Variants in PHYH observed in about 807,000 individuals in gnomAD.
PHYH encodes phytanoyl-CoA dioxygenase, peroxisomal.
A neutral mutation model predicts 38.5 loss-of-function variants in PHYH; 32 were observed. The ratio of observed to expected loss-of-function variants is 0.83; its 90% CI spans 0.63 to 1.12. PHYH has a LOEUF of 1.12. Ranked by LOEUF, PHYH falls within the 50% of genes most tolerant of loss-of-function variation. PHYH has a pLI of 0.00. For synonymous variants in PHYH, 166 were observed against 157.9 expected, an observed-to-expected ratio of 1.05 and a Z score of -0.38; for missense variants, 426 against 434.8, an observed-to-expected ratio of 0.98 and a Z score of 0.18.
In PHYH at chr10:13,281,124, A is replaced by C; in HGVS notation, c.829-14T>G. On this transcript the variant is annotated splice_polypyrimidine_tract_variant and intron_variant, in intron 7 of 8. Coordinates refer to ENST00000263038, the MANE Select transcript of PHYH (RefSeq NM_006214.4). ...GCAGGAAATTGCCTGTGCAAAGTGAACAAATTGATATTGGAGAAAAACATC... is the reference window on the plus strand; with the variant it reads ...GCAGGAAATTGCCTGTGCAAAGTGACCAAATTGATATTGGAGAAAAACATC... 6.2e-7 allele frequency: 1 copy of C among 1,614,086 alleles called. No homozygotes were observed. Among genetic ancestry groups the C allele is most frequent in the Non-Finnish European group, 8.5e-7 (1 of 1,179,930 alleles).
Position 13,288,402 on chromosome 10 carries a change from T to C in PHYH, c.636A>G (p.Thr212=), listed in dbSNP as rs473407. Residue 212 remains threonine (T), a synonymous_variant, in exon 6 of 9, where the codon ACA becomes ACG. Coordinates refer to ENST00000263038, the MANE Select transcript of PHYH (RefSeq NM_006214.4). ...CGTGGGGCTTCAGGGAGCCCTTGTG[T>C]GTGCCTGGGAGCACAACCAGACAGC... ...NNGCLVVLPG[T]HKGSLKPHDY... The C allele has an allele frequency of 0.25, 407,263 of 1,613,770 alleles. 53,733 individuals are homozygous for C. Among genetic ancestry groups the C allele is most frequent in the African/African-American group, 0.4 (29,728 of 74,942 alleles).
chr10:13,282,650 C>T lies in PHYH; in HGVS notation c.828+1040G>A, dbSNP rs963728691. On this transcript the variant is annotated intron_variant, in intron 7 of 8. Transcript: ENST00000263038. ...CAAGTCTATATATTAAAACCCACAA[C>T]ATGATTTGTGTCGTTGTGCCTGCAC... 2.0e-5 allele frequency among the ~76,000 whole-genome samples: 3 copies of T among 147,670 alleles called. No homozygotes were observed. In the South Asian group the frequency reaches 6.4e-4, roughly 31 times the overall value.
At chr10:13,289,411 G>A (rs1835647118) in intron 5 of PHYH, among the ~76,000 whole-genome samples, 1 of 151,922 alleles carries the variant, frequency 6.6e-6, no homozygotes, top group Non-Finnish European at 1.5e-5. Flanking sequence ...TAGCCAGGAT[G>A]GTCTTGATCT....
rs189068503 is a variant in PHYH at position 13,288,040 on chromosome 10, C to T, written c.678+320G>A. ...ACTAAAACCACAAAAATTAGCCGGG[C>T]GTGGTGGTGCACACCCGTAGTCCCA... On this transcript the variant is annotated intron_variant, in intron 6 of 8. Coordinates refer to ENST00000263038, the MANE Select transcript of PHYH (RefSeq NM_006214.4). Among the ~76,000 whole-genome samples, 19 of 152,172 alleles carry T rather than the reference C, an allele frequency of 1.2e-4. No individual in the cohort carries two copies. In the East Asian group the frequency reaches 2.9e-3, roughly 23 times the overall value.
chr10:13,295,847 A>T (rs963659428), intron 2 of PHYH, among the ~76,000 whole-genome samples: 7 of 139,150 alleles, frequency 5.0e-5, no homozygotes, highest in Non-Finnish European at 1.1e-4. Flanking sequence ...AAAAAAAAAA[A>T]TTTAAATTAC....
chr10:13,293,789 A>C (rs1016043185), intron 4 of PHYH, among the ~76,000 whole-genome samples: 1 of 152,138 alleles, frequency 6.6e-6, no homozygotes, highest in Admixed American at 6.6e-5. Flanking sequence ...TTTTGAAATC[A>C]TGAGTTTGGT....
chr10:13,283,815 C>T lies in PHYH; in HGVS notation c.703G>A (p.Gly235Arg), dbSNP rs750819521. ...TTGTTTTCCTCGTAGTCCTGGATCC[C>T]GTGGAACATTTTGTTAACTCCCCCC... ...WEGGVNKMFH[G>R]IQDYEENKAR... is the part of the protein sequence containing the mutation. Residue 235 changes from glycine to arginine, a missense_variant, in exon 7 of 9, where the codon GGG becomes AGG. Transcript: ENST00000263038. The T allele has an allele frequency of 3.7e-6, 6 of 1,613,832 alleles. No individual in the cohort carries two copies. The highest frequency in any genetic ancestry group is 2.2e-5 in the East Asian group (1 of 44,854).
At chr10:13,287,134 A>C (rs1336596952) in intron 6 of PHYH, among the ~76,000 whole-genome samples, 1 of 152,098 alleles carries the variant, frequency 6.6e-6, no homozygotes, top group Admixed American at 6.6e-5. Flanking sequence ...AGTTAAAGAG[A>C]TCAGGACCAT....
At position 13,288,441 on chromosome 10, in the gene PHYH, G is replaced by C. The variant is rs1407156746; in HGVS notation, c.597C>G (p.Ile199Met). 1 of 1,614,060 alleles carries C rather than the reference G, an allele frequency of 6.2e-7. No individual in the cohort carries two copies. The highest frequency in any genetic ancestry group is 1.3e-5 in the African/African-American group (1 of 74,938). Residue 199 changes from isoleucine (I) to methionine (M), a missense_variant, in exon 6 of 9, where the codon ATC (isoleucine) becomes ATG (methionine). Ile to Met is a conservative substitution (Grantham distance 10). Coordinates refer to ENST00000263038, the MANE Select transcript of PHYH (RefSeq NM_006214.4). ...CAACCAGACAGCCGTTGTTCCGGCT[G>C]ATGTGCTCCATCGCCGTCCAGGCGC... ...IVCAWTAMEH[I>M]SRNNGCLVVL...
At chr10:13,291,978 A>G in intron 4 of PHYH, 66 bp from the exon 5 acceptor site, 1 of 1,045,366 alleles carries the variant, frequency 9.6e-7, no homozygotes, top group Non-Finnish European at 1.5e-6. Flanking sequence ...CAACTGGTAC[A>G]AAGTACAGTA....
chr10:13,285,200 C>G (rs1027930758), intron 6 of PHYH, among the ~76,000 whole-genome samples: 4 of 152,070 alleles, frequency 2.6e-5, no homozygotes, highest in Admixed American at 2.6e-4. Context: ...ATTGTTATTA[C>G]TGAGATGGAG....
intron 7 of PHYH, among the ~76,000 whole-genome samples, chr10:13,282,071 C>A (rs910248776): frequency 2.0e-5 from 3 of 151,868 alleles, no homozygotes; most frequent in Non-Finnish European, 4.4e-5. Flanking sequence ...CATAGCAAGA[C>A]CATGTCTGTA....
chr10:13,292,933 CAAAAAA>C (rs57345841), intron 4 of PHYH, among the ~76,000 whole-genome samples: 1 of 109,906 alleles, frequency 9.1e-6, no homozygotes. Context: ...GACTCTGTCT[CAAAAAA>C]AAAAAAAAAA....
At chr10:13,299,879 C>G in intron 1 of PHYH, 89 bp downstream of exon 1, 1 of 1,426,534 alleles carries the variant, frequency 7.0e-7, no homozygotes, top group Non-Finnish European at 9.1e-7. Flanking sequence ...AGCGTGCGAC[C>G]CCGAGGCCTC....
chr10:13,286,251 C>A (rs557833341), intron 6 of PHYH, among the ~76,000 whole-genome samples: 3 of 152,066 alleles, frequency 2.0e-5, no homozygotes, highest in Admixed American at 1.3e-4. Flanking sequence ...ATACCTCTAA[C>A]GCGTCCTGCA....
chr10:13,285,530 C>T (rs373423874), intron 6 of PHYH, among the ~76,000 whole-genome samples: 1 of 151,900 alleles, frequency 6.6e-6, no homozygotes, highest in Non-Finnish European at 1.5e-5. Flanking sequence ...TATCGAACTA[C>T]AACTCATTCT....
intron 6 of PHYH, among the ~76,000 whole-genome samples, chr10:13,286,008 A>G (rs1305646550): frequency 6.6e-6 from 1 of 152,014 alleles, no homozygotes; most frequent in Non-Finnish European, 1.5e-5. Context: ...CCTGGGCTCA[A>G]GTAATCCTCC....
At chr10:13,293,092 T>C (rs919932414) in intron 4 of PHYH, among the ~76,000 whole-genome samples, 1 of 152,172 alleles carries the variant, frequency 6.6e-6, no homozygotes, top group Non-Finnish European at 1.5e-5. Context: ...AATTTGAGTA[T>C]GAAACCCTGG....
intron 6 of PHYH, among the ~76,000 whole-genome samples, 158 bp from the exon 7 acceptor site, chr10:13,283,997 A>G (rs1265728384): frequency 6.6e-6 from 1 of 152,166 alleles, no homozygotes; most frequent in East Asian, 1.9e-4. Context: ...TTTTTTCAGT[A>G]TACAAAAGCC....
Sources: allele counts gnomAD v4.1 joint callset (sites outside exome capture counted in the v4.1 genomes callset), GRCh38; gene constraint gnomAD v4.1.1; transcripts MANE v1.5; gene names NCBI Gene and HGNC (gene_info 2026-07-23, HGNC 2026-07-21).